The following PRDM11 variants were observed in gnomAD, a reference collection of about 807,000 sequenced individuals.
The protein encoded by PRDM11 is PR domain-containing protein 11.
In PRDM11, 20 loss-of-function variants were observed where a neutral mutation model predicts 97.8. The ratio of observed to expected loss-of-function variants is 0.20; its 90% CI spans 0.14 to 0.30. The LOEUF (loss-of-function observed/expected upper bound fraction) is 0.30. Among genes scored for constraint, PRDM11 ranks in the 10% least tolerant of loss-of-function variants. The probability of loss-of-function intolerance (pLI) is 1.00; values close to 1 mark genes in which losing one functional copy is unlikely to be tolerated. For missense variants in PRDM11, 1,139 were observed against 1,555.2 expected, an observed-to-expected ratio of 0.73 and a Z score of 4.50; for synonymous variants, 599 against 637.7, an observed-to-expected ratio of 0.94 and a Z score of 0.91.
intron 4 of PRDM11, among the ~76,000 whole-genome samples, chr11:45,197,879 G>A (rs1424623579): frequency 2.0e-5 from 3 of 152,060 alleles, no homozygotes; most frequent in South Asian, 4.2e-4. Flanking sequence ...CGTGGGGTGC[G>A]GGGAAGGGGG....
At chr11:45,216,850 A>G (rs1323506668) in intron 5 of PRDM11, among the ~76,000 whole-genome samples, 2 of 152,238 alleles carry the variant, frequency 1.3e-5, no homozygotes, top group East Asian at 3.9e-4. Context: ...GACACACCCT[A>G]GAAGTTGCTC....
At chr11:45,121,075 G>A (rs1423713322) in intron 1 of PRDM11, among the ~76,000 whole-genome samples, 2 of 152,040 alleles carry the variant, frequency 1.3e-5, no homozygotes, top group African/African-American at 4.8e-5. Context: ...TAGTCGATAA[G>A]TCAAGAAAGG....
intron 1 of PRDM11, among the ~76,000 whole-genome samples, chr11:45,175,743 C>A (rs1852312363): frequency 6.6e-6 from 1 of 152,138 alleles, no homozygotes; most frequent in Non-Finnish European, 1.5e-5. Context: ...TGCCAAATTA[C>A]CCTCCAGAAA....
chr11:45,175,768 A>G (rs1188218113), intron 1 of PRDM11, among the ~76,000 whole-genome samples: 1 of 152,200 alleles, frequency 6.6e-6, no homozygotes, highest in African/African-American at 2.4e-5. Flanking sequence ...ACACCAATTT[A>G]CACTCCAACC....
chr11:45,151,798 A>AG, intron 1 of PRDM11, among the ~76,000 whole-genome samples: 1 of 152,176 alleles, frequency 6.6e-6, no homozygotes, highest in Non-Finnish European at 1.5e-5. Context: ...CTTCAGGCCC[A>AG]GGGCATGGCT....
chr11:45,187,798 T>TTG (rs1852759107), intron 4 of PRDM11, among the ~76,000 whole-genome samples: 2 of 100,234 alleles, frequency 2.0e-5, no homozygotes, highest in African/African-American at 7.9e-5. Flanking sequence ...CAAGAAAAGT[T>TTG]CGTGTGTGTG....
intron 1 of PRDM11, among the ~76,000 whole-genome samples, chr11:45,104,595 A>T (rs1405802399): frequency 6.6e-6 from 1 of 152,018 alleles, no homozygotes; most frequent in Non-Finnish European, 1.5e-5. Context: ...CCCAGCTATG[A>T]CCCATCTCCC....
chr11:45,185,246 CT>C (rs1370457573), intron 4 of PRDM11, among the ~76,000 whole-genome samples: 1 of 152,162 alleles, frequency 6.6e-6, no homozygotes, highest in Non-Finnish European at 1.5e-5. Flanking sequence ...GTCTGGAGAC[CT>C]TTTGGTTGTC....
At chr11:45,148,006 G>T (rs1247588246) in intron 1 of PRDM11, among the ~76,000 whole-genome samples, 1 of 152,090 alleles carries the variant, frequency 6.6e-6, no homozygotes, top group Non-Finnish European at 1.5e-5. Context: ...CAACCAAGCT[G>T]GTCCTTGCCC....
chr11:45,146,988 GGGGGCGGGGGCGGCCGGGGGTCTC>G (rs1027500232), intron 1 of PRDM11, 111 bp downstream of exon 1: 1 of 146,082 alleles, frequency 6.8e-6, no homozygotes, highest in Non-Finnish European at 1.5e-5. Context: ...AGCGGCGGCT[GGGGGCGGGGGCGGCCGGGGGTCTC>G]GGCGCGGGCG....
At chr11:45,217,258 A>G (rs1185827834) in intron 5 of PRDM11, among the ~76,000 whole-genome samples, 1 of 152,180 alleles carries the variant, frequency 6.6e-6, no homozygotes, top group Non-Finnish European at 1.5e-5. Context: ...GGAATTATTA[A>G]TTTGGAGTGA....
chr11:45,107,542 G>T (rs1852083409), intron 1 of PRDM11, among the ~76,000 whole-genome samples: 1 of 152,144 alleles, frequency 6.6e-6, no homozygotes, highest in Admixed American at 6.5e-5. Flanking sequence ...AGGGTGGATG[G>T]GGTGCAGTGG....
chr11:45,112,676 T>G (rs910684981), intron 1 of PRDM11, among the ~76,000 whole-genome samples: 1 of 152,206 alleles, frequency 6.6e-6, no homozygotes, highest in Non-Finnish European at 1.5e-5. Context: ...GATTTGCATT[T>G]CCCCGATGAT....
At chr11:45,181,146 C>T (rs1479542010) in intron 1 of PRDM11, among the ~76,000 whole-genome samples, 1 of 152,190 alleles carries the variant, frequency 6.6e-6, no homozygotes, top group Non-Finnish European at 1.5e-5. Context: ...GGGGCTGAAG[C>T]CCGGCGCGGT....
At chr11:45,165,253 T>C (rs1230916407) in intron 1 of PRDM11, among the ~76,000 whole-genome samples, 3 of 152,114 alleles carry the variant, frequency 2.0e-5, no homozygotes, top group Non-Finnish European at 1.5e-5. Context: ...TGGGAGTGGA[T>C]TTACAGGGCT....
intron 1 of PRDM11, among the ~76,000 whole-genome samples, chr11:45,171,077 T>G (rs1001282981): frequency 4.6e-5 from 7 of 152,092 alleles, no homozygotes; most frequent in African/African-American, 9.6e-5. Flanking sequence ...TTATGGGTTT[T>G]TTGTTGTTGT....
chr11:45,184,379 A>G (rs1852627043), intron 4 of PRDM11, among the ~76,000 whole-genome samples: 1 of 152,124 alleles, frequency 6.6e-6, no homozygotes. Flanking sequence ...CAGCCTGGAG[A>G]ACTGATTGAG....
rs143637284 is a variant in PRDM11, at chr11:45,164,470, G to C, written c.-6-17291G>C. Among the ~76,000 whole-genome samples, 5 of 152,330 alleles carry C rather than the reference G, an allele frequency of 3.3e-5. No individual in the cohort carries two copies. The East Asian group carries it at 9.7e-4, about 29-fold the overall frequency. On this transcript the variant is annotated intron_variant, in intron 1 of 7. Transcript: ENST00000683152. ...TTTTCATGAATCATTTCCCATCTGG[G>C]GGCGTGCAAGAGAAATGGAAATGGC...
rs570923126 is a variant in PRDM11, at chr11:45,198,688, C to A, written c.487-6023C>A. On this transcript the variant is annotated intron_variant, in intron 4 of 7. Transcript: ENST00000683152. The stretch of plus-strand genomic sequence containing the variant: ...GCATTCTTCCCTATTAAAATGCCAA[C>A]CTGCAGATAGCAGATTTGCTCAGAG... 2.5e-4 allele frequency among the ~76,000 whole-genome samples: 38 copies of A among 152,314 alleles called. 1 individual carries two copies. The South Asian group carries it at 6.4e-3, about 26-fold the overall frequency.
Sources: gnomAD v4.1 joint callset for allele counts (sites outside exome capture counted in the v4.1 genomes callset) on GRCh38, gnomAD v4.1.1 for gene constraint, MANE v1.5 for transcripts, NCBI Gene and HGNC (gene_info 2026-07-23, HGNC 2026-07-21) for gene names.